The following SAMSN1 variants were observed in gnomAD, a reference collection of about 807,000 sequenced individuals.
SAMSN1 encodes SAM domain, SH3 domain and nuclear localization signals 1.
Under a neutral mutation model 42.0 loss-of-function variants are expected in SAMSN1, and 31 were observed. The ratio of observed to expected loss-of-function variants is 0.74; its 90% CI spans 0.55 to 1.00. SAMSN1 has a LOEUF of 1.00. SAMSN1 is among the 50% of genes least tolerant of loss of function. The pLI, the probability that SAMSN1 is intolerant of heterozygous loss-of-function variation, is 0.00. For missense variants in SAMSN1, 464 were observed against 439.4 expected (o/e 1.06, Z -0.50); for synonymous variants, 178 against 151.9 (o/e 1.17, Z -1.26).
intron 2 of SAMSN1, among the ~76,000 whole-genome samples, chr21:14,625,059 C>T (rs936908826): frequency 3.3e-5 from 5 of 152,066 alleles, no homozygotes; most frequent in Non-Finnish European, 5.9e-5. Flanking sequence ...CAGAAAAGGC[C>T]TTTGACAAGA....
Position 14,510,354 on chromosome 21 carries a change from C to T in SAMSN1, c.517G>A (p.Asp173Asn), listed in dbSNP as rs1987630756. 6.2e-7 allele frequency: 1 copy of T among 1,614,118 alleles called. No homozygotes were observed. Among genetic ancestry groups the T allele is most frequent in the East Asian group, 2.2e-5 (1 of 44,864 alleles). ...PFCGRARVHT[D>N]FTPSPYDTDS... ...GTGTCATAGGGACTTGGCGTGAAAT[C>T]CGTATGCACTCTGGCACGGCCACAG... Residue 173 changes from aspartate to asparagine, a missense_variant, in exon 5 of 8, where the codon GAT becomes AAT. Coordinates refer to ENST00000400566, the MANE Select transcript of SAMSN1 (RefSeq NM_022136.5).
intron 2 of SAMSN1, chr21:14,619,781 G>C (rs957242672): frequency 5.5e-6 from 1 of 180,620 alleles, no homozygotes; most frequent in African/African-American, 2.4e-5. Context: ...TCAGAGAAAA[G>C]TGTATTTTTT....
At chr21:14,591,864 T>C (rs1452190983) in intron 7 of SAMSN1, 1 of 152,182 alleles carries the variant, frequency 6.6e-6, no homozygotes, top group Non-Finnish European at 1.5e-5. Context: ...TGGAATAACA[T>C]GCCCTCTGAG....
At chr21:14,644,759 C>G (rs192388044) in intron 1 of SAMSN1, among the ~76,000 whole-genome samples, 1 of 152,176 alleles carries the variant, frequency 6.6e-6, no homozygotes, top group Admixed American at 6.5e-5. Flanking sequence ...GATGGCATTT[C>G]TGGACATGCC....
At position 14,650,669 on chromosome 21, in the gene SAMSN1, C is replaced by G. The variant is rs149041330; in HGVS notation, c.25-7536G>C. 6.3e-3 allele frequency among the ~76,000 whole-genome samples: 947 copies of G among 150,884 alleles called. 6 individuals are homozygous for G. The highest frequency in any genetic ancestry group is 0.014 in the Middle Eastern group (4 of 290). ...CCAAACCCCAAATTAGTAGAAGAAA[C>G]AAAATAATAAAGGTCAGAGCCAAAA... is the stretch of plus-strand genomic sequence containing the variant. On this transcript the variant is annotated intron_variant, in intron 1 of 15. Coordinates refer to the SAMSN1 transcript ENST00000647101.
intron 2 of SAMSN1, among the ~76,000 whole-genome samples, chr21:14,581,615 T>C (rs889524084): frequency 2.0e-5 from 3 of 151,734 alleles, no homozygotes; most frequent in African/African-American, 7.3e-5. Flanking sequence ...CGCCTCGGCC[T>C]CCCAAAAGTG....
intron 2 of SAMSN1, among the ~76,000 whole-genome samples, chr21:14,634,624 C>T (rs1478838630): frequency 6.6e-6 from 1 of 152,166 alleles, no homozygotes; most frequent in Non-Finnish European, 1.5e-5. Flanking sequence ...GATACCATCT[C>T]ACACCAGTCA....
intron 2 of SAMSN1, among the ~76,000 whole-genome samples, chr21:14,576,409 T>A (rs772987959): frequency 2.6e-5 from 4 of 152,174 alleles, no homozygotes; most frequent in African/African-American, 9.7e-5. Flanking sequence ...CCGGTTAAGC[T>A]GTCTGTCTCC....
chr21:14,518,170 T>C (rs1016486479), intron 2 of SAMSN1, among the ~76,000 whole-genome samples: 5 of 152,252 alleles, frequency 3.3e-5, no homozygotes, highest in Non-Finnish European at 5.9e-5. Flanking sequence ...TCTATTCACA[T>C]GTCATATAAT....
intron 2 of SAMSN1, among the ~76,000 whole-genome samples, chr21:14,569,715 A>T (rs1213144438): frequency 1.3e-5 from 2 of 152,212 alleles, no homozygotes; most frequent in Non-Finnish European, 2.9e-5. Context: ...TATTGTTTTA[A>T]CTGGAAGTTC....
chr21:14,644,189 G>A (rs1225695223), intron 1 of SAMSN1, among the ~76,000 whole-genome samples: 1 of 152,062 alleles, frequency 6.6e-6, no homozygotes, highest in Non-Finnish European at 1.5e-5. Context: ...CACCGGTTGG[G>A]GCAGCCAAGG....
At chr21:14,645,365 T>C (rs1036317889) in intron 1 of SAMSN1, among the ~76,000 whole-genome samples, 2 of 151,948 alleles carry the variant, frequency 1.3e-5, no homozygotes, top group African/African-American at 2.4e-5. Context: ...AGAACAAGAG[T>C]CTCTGACTGG....
intron 6 of SAMSN1, among the ~76,000 whole-genome samples, chr21:14,598,943 C>A (rs1043427930): frequency 4.6e-5 from 7 of 152,044 alleles, no homozygotes; most frequent in Non-Finnish European, 7.4e-5. Context: ...TTAAGAAATT[C>A]TACAATGAAT....
At chr21:14,511,953 C>A (rs1987703927) in intron 4 of SAMSN1, among the ~76,000 whole-genome samples, 2 of 151,462 alleles carry the variant, frequency 1.3e-5, no homozygotes, top group East Asian at 3.9e-4. Context: ...TAAATTGATG[C>A]AAATGTGCTA....
At chr21:14,595,488 G>A (rs979593638) in intron 6 of SAMSN1, among the ~76,000 whole-genome samples, 2 of 152,136 alleles carry the variant, frequency 1.3e-5, no homozygotes, top group African/African-American at 4.8e-5. Flanking sequence ...TAAGACAAAG[G>A]TGATTTCAAA....
chr21:14,622,664 G>A (rs977873562), intron 2 of SAMSN1, among the ~76,000 whole-genome samples: 10 of 152,170 alleles, frequency 6.6e-5, no homozygotes, highest in Admixed American at 1.3e-4. Flanking sequence ...TGAAAGTGAC[G>A]GGGAGAATGG....
At chr21:14,575,035 G>T (rs931444165) in intron 2 of SAMSN1, among the ~76,000 whole-genome samples, 1 of 152,012 alleles carries the variant, frequency 6.6e-6, no homozygotes, top group Non-Finnish European at 1.5e-5. Flanking sequence ...CTTTTAATAA[G>T]ATCACGTAAA....
At chr21:14,608,960 A>G (rs1047286267) in intron 5 of SAMSN1, among the ~76,000 whole-genome samples, 1 of 152,104 alleles carries the variant, frequency 6.6e-6, no homozygotes, top group Non-Finnish European at 1.5e-5. Context: ...AAGTACTTTT[A>G]ATTATGAAAT....
At chr21:14,508,183 CAATA>C (rs1987504685) in intron 5 of SAMSN1, among the ~76,000 whole-genome samples, 2 of 151,978 alleles carry the variant, frequency 1.3e-5, no homozygotes, top group African/African-American at 4.8e-5. Flanking sequence ...AAAGCAAATG[CAATA>C]AAAACAAAGT....
Sources: gnomAD v4.1 joint callset for allele counts (sites outside exome capture counted in the v4.1 genomes callset) on GRCh38, gnomAD v4.1.1 for gene constraint, MANE v1.5 for transcripts, NCBI Gene and HGNC (gene_info 2026-07-23, HGNC 2026-07-21) for gene names.